Variants in TLK2 observed in about 807,000 individuals in gnomAD.
TLK2 encodes the protein serine/threonine-protein kinase tousled-like 2.
Under a neutral mutation model 117.3 loss-of-function variants are expected in TLK2, and 6 were observed. That is an observed-to-expected ratio of 0.05 (90% confidence interval 0.03 to 0.10). The LOEUF (loss-of-function observed/expected upper bound fraction) is 0.10, where lower values mean the gene tolerates loss of function less well. Ranked by LOEUF, TLK2 falls within the 10% of genes least tolerant of loss-of-function variation. The probability of loss-of-function intolerance (pLI) is 1.00; values close to 1 mark genes in which losing one functional copy is unlikely to be tolerated. For synonymous variants in TLK2, 257 were observed against 316.7 expected, an observed-to-expected ratio of 0.81 and a Z score of 2.00; for missense variants, 299 against 901.2, an observed-to-expected ratio of 0.33 and a Z score of 8.56.
intron 1 of TLK2, among the ~76,000 whole-genome samples, chr17:62,472,737 C>CA (rs138668621): frequency 6.1e-3 from 574 of 94,666 alleles, no homozygotes; most frequent in African/African-American, 1.0e-2. Context: ...GACCCCGTCT[C>CA]AAAAAAAAAA....
intron 2 of TLK2, among the ~76,000 whole-genome samples, chr17:62,485,466 A>G (rs2072231192): frequency 6.6e-6 from 1 of 152,162 alleles, no homozygotes; most frequent in Non-Finnish European, 1.5e-5. Flanking sequence ...CTCATTACCT[A>G]TATTTAGGTT....
chr17:62,474,235 T>C (rs1440900524), upstream of TLK2, among the ~76,000 whole-genome samples: 2 of 147,140 alleles, frequency 1.4e-5, no homozygotes, highest in Non-Finnish European at 3.0e-5. Context: ...CACGCTGCCT[T>C]GCCCGGCTAA....
intron 6 of TLK2, among the ~76,000 whole-genome samples, chr17:62,530,700 A>G (rs1462252109): frequency 6.6e-6 from 1 of 152,036 alleles, no homozygotes; most frequent in Non-Finnish European, 1.5e-5. Flanking sequence ...ACCTCTTTGT[A>G]CTTCTTTCCT....
chr17:62,475,671 T>G (rs1275249072), upstream of TLK2, among the ~76,000 whole-genome samples: 3 of 148,818 alleles, frequency 2.0e-5, no homozygotes, highest in Non-Finnish European at 3.0e-5. Flanking sequence ...TAATAATTAT[T>G]TTTTTTGAGA....
chr17:62,563,559 A>C (rs1223067365), intron 10 of TLK2, among the ~76,000 whole-genome samples: 1 of 152,238 alleles, frequency 6.6e-6, no homozygotes, highest in African/African-American at 2.4e-5. Context: ...CTGCAGCTAT[A>C]AATTGCCTGT....
rs1297427745 is a variant in TLK2 at position 62,580,159 on chromosome 17, T to G, written c.1335T>G (p.Leu445=). 1 of 1,613,136 alleles carries G rather than the reference T, an allele frequency of 6.2e-7. No individual in the cohort carries two copies. Among genetic ancestry groups the G allele is most frequent in the Non-Finnish European group, 8.5e-7 (1 of 1,179,634 alleles). ...TLNDRYLLLH[L]LGRGGFSEVY... is the part of the protein sequence containing the mutation. The stretch of plus-strand genomic sequence containing the variant: ...ATGACAGATATTTGTTGTTACATCT[T>G]TTGGGTAGAGGAGGTTTCAGTGAAG... The change falls in exon 15 of 22, where the codon CTT becomes CTG. Residue 445 remains leucine (L), a synonymous_variant. Coordinates refer to ENST00000346027, the MANE Select transcript of TLK2 (RefSeq NM_006852.6).
intron 2 of TLK2, among the ~76,000 whole-genome samples, chr17:62,487,304 A>AG: frequency 6.6e-6 from 1 of 151,278 alleles, no homozygotes; most frequent in Non-Finnish European, 1.5e-5. Context: ...AAAAAAAAAA[A>AG]AAGAAAGAAA....
intron 16 of TLK2, among the ~76,000 whole-genome samples, chr17:62,595,023 G>A (rs1022063593): frequency 6.6e-6 from 1 of 152,128 alleles, no homozygotes; most frequent in Non-Finnish European, 1.5e-5. Context: ...GTGCCATGGC[G>A]CAGTCTCGCC....
intron 7 of TLK2, among the ~76,000 whole-genome samples, chr17:62,546,848 C>T (rs1428795340): frequency 6.6e-6 from 1 of 152,132 alleles, no homozygotes; most frequent in Non-Finnish European, 1.5e-5. Flanking sequence ...GCATGAGACA[C>T]CGCACCCGGC....
intron 16 of TLK2, among the ~76,000 whole-genome samples, chr17:62,593,570 A>T (rs8075555): frequency 6.6e-6 from 1 of 151,638 alleles, no homozygotes; most frequent in Non-Finnish European, 1.5e-5. Context: ...ACTAAGGCAC[A>T]CAACTCATTA....
At chr17:62,505,782 C>T (rs2074635799) in intron 2 of TLK2, among the ~76,000 whole-genome samples, 1 of 152,168 alleles carries the variant, frequency 6.6e-6, no homozygotes, top group Non-Finnish European at 1.5e-5. Flanking sequence ...ACCTCCGTCT[C>T]TTGGGCTCAA....
chr17:62,527,656 A>G (rs1567854347), intron 6 of TLK2, among the ~76,000 whole-genome samples: 1 of 151,790 alleles, frequency 6.6e-6, no homozygotes, highest in African/African-American at 2.4e-5. Context: ...ATTTATTTTC[A>G]TTGGTGTGTT....
At chr17:62,604,208 T>C (rs985601234) in intron 19 of TLK2, among the ~76,000 whole-genome samples, 3 of 151,992 alleles carry the variant, frequency 2.0e-5, no homozygotes, top group Admixed American at 1.3e-4. Flanking sequence ...GGTTTCACCA[T>C]GTTGGCCAGG....
At chr17:62,557,898 C>T (rs922182549) in intron 9 of TLK2, among the ~76,000 whole-genome samples, 19 of 152,178 alleles carry the variant, frequency 1.2e-4, no homozygotes, top group Non-Finnish European at 1.0e-4. Context: ...CCTTCTACTC[C>T]GTCGTCTTCA....
At chr17:62,600,625 T>G (rs2082808480) in intron 17 of TLK2, 26 bp from the exon 18 acceptor site, 2 of 1,575,130 alleles carry the variant, frequency 1.3e-6, no homozygotes, top group Non-Finnish European at 1.7e-6. Flanking sequence ...TATTCCATGG[T>G]TAAATATTGG....
chr17:62,599,737 C>G (rs997187800), intron 17 of TLK2, among the ~76,000 whole-genome samples: 1 of 152,192 alleles, frequency 6.6e-6, no homozygotes, highest in African/African-American at 2.4e-5. Flanking sequence ...GAATTAAAGT[C>G]TCTCTGTTTT....
intron 2 of TLK2, among the ~76,000 whole-genome samples, chr17:62,484,587 C>T (rs904008740): frequency 1.3e-5 from 2 of 151,970 alleles, no homozygotes; most frequent in African/African-American, 4.8e-5. Flanking sequence ...TGTGAGCCAT[C>T]GCGCCCAGCC....
chr17:62,490,996 A>G (rs945577076), intron 2 of TLK2, among the ~76,000 whole-genome samples: 16 of 152,264 alleles, frequency 1.1e-4, no homozygotes, highest in African/African-American at 3.6e-4. Flanking sequence ...TCAGCCTCCT[A>G]AGTAGCTAAG....
At chr17:62,484,838 C>T (rs1042426112) in intron 2 of TLK2, among the ~76,000 whole-genome samples, 3 of 151,938 alleles carry the variant, frequency 2.0e-5, no homozygotes, top group East Asian at 1.9e-4. Flanking sequence ...AGGCAGATCA[C>T]GAGGTCAGGA....
Sources: gnomAD v4.1 joint callset for allele counts (sites outside exome capture counted in the v4.1 genomes callset) on GRCh38, gnomAD v4.1.1 for gene constraint, MANE v1.5 for transcripts, NCBI Gene and HGNC (gene_info 2026-07-23, HGNC 2026-07-21) for gene names.